The following DNAJC10 variants were observed in gnomAD, a reference collection of about 807,000 sequenced individuals.
DNAJC10 encodes the protein endoplasmic reticulum disulfide reductase DNAJC10.
Under a neutral mutation model 115.0 loss-of-function variants are expected in DNAJC10, and 101 were observed. The ratio of observed to expected loss-of-function variants is 0.88; its 90% CI spans 0.75 to 1.04. The LOEUF (loss-of-function observed/expected upper bound fraction) is 1.04, where lower values mean the gene tolerates loss of function less well. Ranked by LOEUF, DNAJC10 falls within the 50% of genes least tolerant of loss-of-function variation. The probability of loss-of-function intolerance (pLI) is 0.00; values close to 1 mark genes in which losing one functional copy is unlikely to be tolerated. For missense variants in DNAJC10, 981 were observed against 928.8 expected (o/e 1.06, Z -0.73); for synonymous variants, 307 against 301.5 (o/e 1.02, Z -0.19).
At chr2:182,732,622 C>A in intron 10 of DNAJC10, 80 bp downstream of exon 10, 1 of 1,393,888 alleles carries the variant, frequency 7.2e-7, no homozygotes, top group Non-Finnish European at 1.0e-6. Context: ...ATTTTCTTCC[C>A]TTATTTCTTG....
At chr2:182,722,171 T>G in intron 5 of DNAJC10, 96 bp downstream of exon 5, 1 of 901,192 alleles carries the variant, frequency 1.1e-6, no homozygotes, top group South Asian at 1.6e-5. Context: ...AGAAATCTTT[T>G]GGAGTTTCGA....
intron 16 of DNAJC10, among the ~76,000 whole-genome samples, chr2:182,752,915 A>G (rs1694061130): frequency 6.6e-6 from 1 of 152,202 alleles, no homozygotes; most frequent in Non-Finnish European, 1.5e-5. Context: ...TTAAAAGACT[A>G]TCAGTCAAAT....
At chr2:182,774,851 C>T (rs1277968315) in intron 22 of DNAJC10, among the ~76,000 whole-genome samples, 3 of 152,244 alleles carry the variant, frequency 2.0e-5, no homozygotes, top group African/African-American at 7.2e-5. Flanking sequence ...GTCTTCTCGC[C>T]CTCTGTGGGC....
intron 5 of DNAJC10, among the ~76,000 whole-genome samples, chr2:182,725,616 T>C (rs1351314661): frequency 1.3e-5 from 2 of 152,158 alleles, no homozygotes; most frequent in Non-Finnish European, 2.9e-5. Flanking sequence ...CTAATTCTTT[T>C]CAATTTTATG....
At chr2:182,771,177 G>A (rs1694552564) in intron 22 of DNAJC10, among the ~76,000 whole-genome samples, 1 of 152,102 alleles carries the variant, frequency 6.6e-6, no homozygotes, top group Non-Finnish European at 1.5e-5. Context: ...TGGTGGATAA[G>A]CTTTTTGATG....
intron 1 of DNAJC10, among the ~76,000 whole-genome samples, chr2:182,716,694 T>TAAAG (rs1470111962): frequency 2.0e-5 from 3 of 152,200 alleles, no homozygotes; most frequent in Non-Finnish European, 2.9e-5. Context: ...TACTTACACT[T>TAAAG]TCTCCCTAAG....
chr2:182,743,483 C>A, intron 13 of DNAJC10, 115 bp from the exon 14 acceptor site: 1 of 691,534 alleles, frequency 1.4e-6, no homozygotes, highest in South Asian at 1.7e-5. Context: ...AGCCTATTAG[C>A]TTCTGTTTAA....
rs1695103184 is a variant in DNAJC10 at position 182,794,221 on chromosome 2, G to A, written c.*17089G>A. On this transcript the variant is annotated 3_prime_UTR_variant, in exon 24 of 24. Coordinates refer to ENST00000264065, the MANE Select transcript of DNAJC10 (RefSeq NM_018981.4). Reference sequence around the variant, plus strand: ...GAGAGCTTGGGAAAGAAGTCTCTGAGGAGAAAGAATGAGGCAATAAGTCAG... The same window carrying A: ...GAGAGCTTGGGAAAGAAGTCTCTGAAGAGAAAGAATGAGGCAATAAGTCAG... 6.6e-6 allele frequency: 1 copy of A among 152,128 alleles called. No homozygotes were observed. Among genetic ancestry groups the A allele is most frequent in the Non-Finnish European group, 1.5e-5 (1 of 68,032 alleles). 9.4% of individuals were successfully genotyped at this position (152,128 alleles called of 1,614,324 possible).
At chr2:182,775,230 T>G in intron 22 of DNAJC10, 86 bp from the exon 23 acceptor site, 1 of 854,626 alleles carries the variant, frequency 1.2e-6, no homozygotes, top group Non-Finnish European at 1.8e-6. Flanking sequence ...CAAAAGAACT[T>G]GAAAGCATAT....
chr2:182,775,450 C>T (rs1437177872), intron 23 of DNAJC10, 30 bp downstream of exon 23: 1 of 1,417,846 alleles, frequency 7.1e-7, no homozygotes, highest in Middle Eastern at 1.8e-4. Context: ...TTGACTTTGG[C>T]AAAAGTTGGC....
intron 19 of DNAJC10, among the ~76,000 whole-genome samples, chr2:182,758,379 G>T (rs938017946): frequency 1.3e-5 from 2 of 152,152 alleles, no homozygotes; most frequent in Admixed American, 6.5e-5. Flanking sequence ...TACATATGAT[G>T]AATGTTATTA....
intron 14 of DNAJC10, among the ~76,000 whole-genome samples, chr2:182,746,496 A>G (rs1485073905): frequency 6.6e-6 from 1 of 151,822 alleles, no homozygotes; most frequent in Non-Finnish European, 1.5e-5. Flanking sequence ...GATGGTGAGC[A>G]TTTTTTCATT....
rs1289068515 is a variant in DNAJC10, at chr2:182,781,217, G to C, written c.*4085G>C. 1 of 152,062 alleles carries C rather than the reference G, an allele frequency of 6.6e-6. No individual in the cohort carries two copies. The highest frequency in any genetic ancestry group is 1.9e-4 in the East Asian group (1 of 5,180). The allele number at this position is 152,062 out of a possible 1,614,324, so 9.4% of individuals were successfully genotyped here. On this transcript the variant is annotated 3_prime_UTR_variant, in exon 24 of 24. Transcript: ENST00000264065. ...CCACTTACGAGTGACAACATGTGGT[G>C]TTTGGTTTTCTGTTCCTGTTAGTTT...
intron 21 of DNAJC10, among the ~76,000 whole-genome samples, chr2:182,761,961 TAAAA>T (rs1052877776): frequency 6.6e-6 from 1 of 151,626 alleles, no homozygotes; most frequent in Non-Finnish European, 1.5e-5. Context: ...TGATAAATGC[TAAAA>T]AAGAAAGAAA....
chr2:182,788,041 C>G lies in DNAJC10; in HGVS notation c.*10909C>G, dbSNP rs1694980690. 1 of 152,162 alleles carries G rather than the reference C, an allele frequency of 6.6e-6. No homozygotes were observed. Among genetic ancestry groups the G allele is most frequent in the Admixed American group, 6.5e-5 (1 of 15,270 alleles). 9.4% of individuals were successfully genotyped at this position (152,162 alleles called of 1,614,324 possible). ...CTCTCAGAAAGATGTTTAACAAATACTTGAAGAGCCACTATTTAAGATAAA... is the reference window on the plus strand; with the variant it reads ...CTCTCAGAAAGATGTTTAACAAATAGTTGAAGAGCCACTATTTAAGATAAA... On this transcript the variant is annotated 3_prime_UTR_variant, in exon 24 of 24. Transcript: ENST00000264065.
At chr2:182,749,439 T>A (rs1693958335) in intron 14 of DNAJC10, among the ~76,000 whole-genome samples, 1 of 148,864 alleles carries the variant, frequency 6.7e-6, no homozygotes, top group African/African-American at 2.5e-5. Context: ...TTGATCTTTG[T>A]TGGTTTAAAG....
intron 18 of DNAJC10, 91 bp from the exon 19 acceptor site, chr2:182,757,601 A>G: frequency 3.2e-6 from 3 of 929,008 alleles, no homozygotes; most frequent in Non-Finnish European, 4.4e-6. Flanking sequence ...AAATAATATA[A>G]TAACTGTTTC....
chr2:182,718,409 C>T lies in DNAJC10; in HGVS notation c.204+119C>T, dbSNP rs1222654791. 7 of 829,232 alleles carry T rather than the reference C, an allele frequency of 8.4e-6. No individual in the cohort carries two copies. In the African/African-American group the frequency reaches 1.2e-4, roughly 14 times the overall value. 51.4% of individuals were successfully genotyped at this position (829,232 alleles called of 1,614,324 possible). ...ATAATCATATGTCAAAATTATAATT[C>T]AACTTGTATGCTAGAAACAAAAGCA... On this transcript the variant is annotated intron_variant, in intron 3 of 23. Transcript: ENST00000264065.
In DNAJC10 at chr2:182,788,020, CAGAA is replaced by C. The variant is rs1252333673; in HGVS notation, c.*10892_*10895del. ...AAGGCATATTATTTTACTGTACTCT[CAGAA>C]AGATGTTTAACAAATACTTGAAGAG... is the stretch of plus-strand genomic sequence containing the variant. On this transcript the variant is annotated 3_prime_UTR_variant, in exon 24 of 24. Transcript: ENST00000264065. 4 of 152,130 alleles carry C rather than the reference CAGAA, an allele frequency of 2.6e-5. No homozygotes were observed. Among genetic ancestry groups the C allele is most frequent in the Admixed American group, 6.5e-5 (1 of 15,268 alleles). 9.4% of individuals were successfully genotyped at this position (152,130 alleles called of 1,614,324 possible).
Sources: allele counts gnomAD v4.1 joint callset (sites outside exome capture counted in the v4.1 genomes callset), GRCh38; gene constraint gnomAD v4.1.1; transcripts MANE v1.5; gene names NCBI Gene and HGNC (gene_info 2026-07-23, HGNC 2026-07-21).